Variants in GRIN3A observed in about 807,000 individuals in gnomAD.
GRIN3A encodes glutamate ionotropic receptor NMDA type subunit 3A.
In GRIN3A, 47 loss-of-function variants were observed where a neutral mutation model predicts 92.4. The observed-to-expected ratio is 0.51, with a 90% CI of 0.40 to 0.65. The LOEUF is 0.65. GRIN3A is among the 30% of genes least tolerant of loss of function. The probability of loss-of-function intolerance (pLI) is 0.00; values close to 1 mark genes in which losing one functional copy is unlikely to be tolerated. For synonymous variants in GRIN3A, 527 were observed against 540.6 expected, an observed-to-expected ratio of 0.97 and a Z score of 0.35; for missense variants, 1,324 against 1,393.1, an observed-to-expected ratio of 0.95 and a Z score of 0.79.
chr9:101,732,982 C>T (rs974458727), intron 1 of GRIN3A, among the ~76,000 whole-genome samples: 5 of 152,086 alleles, frequency 3.3e-5, no homozygotes, highest in Admixed American at 6.5e-5. Context: ...ATTTCATATG[C>T]GTTTCATTAC....
chr9:101,623,970 G>T (rs554609633), intron 4 of GRIN3A, among the ~76,000 whole-genome samples: 51 of 152,328 alleles, frequency 3.3e-4, no homozygotes, highest in African/African-American at 1.1e-3. Context: ...AAGAGGGCAA[G>T]GAAGGAGAAG....
intron 8 of GRIN3A, among the ~76,000 whole-genome samples, chr9:101,574,410 G>A (rs1158113036): frequency 6.6e-6 from 1 of 152,178 alleles, no homozygotes; most frequent in African/African-American, 2.4e-5. Flanking sequence ...AGCAGGAGGA[G>A]GAGTAGGAGG....
intron 4 of GRIN3A, among the ~76,000 whole-genome samples, chr9:101,626,404 G>T (rs969201768): frequency 2.0e-5 from 3 of 152,158 alleles, no homozygotes; most frequent in East Asian, 1.9e-4. Flanking sequence ...CCTTGCACAG[G>T]CAATGCTAGG....
At chr9:101,593,952 T>C (rs995164524) in intron 6 of GRIN3A, 3 of 155,910 alleles carry the variant, frequency 1.9e-5, no homozygotes, top group African/African-American at 7.2e-5. Flanking sequence ...TATTTGTCCC[T>C]GTTGCTACAA....
intron 1 of GRIN3A, among the ~76,000 whole-genome samples, chr9:101,732,180 A>G (rs919597712): frequency 2.0e-5 from 3 of 152,214 alleles, no homozygotes; most frequent in South Asian, 4.1e-4. Flanking sequence ...TTATATATCC[A>G]TGATGAGATA....
chr9:101,685,709 AAT>A (rs1277544095), intron 2 of GRIN3A, among the ~76,000 whole-genome samples: 1 of 151,312 alleles, frequency 6.6e-6, no homozygotes, highest in East Asian at 1.9e-4. Flanking sequence ...AAAATAAACA[AAT>A]ATAATTATGA....
rs1354041098 is a variant in GRIN3A, at chr9:101,571,202, G to C, written c.*1972C>G. The stretch of plus-strand genomic sequence containing the variant: ...TCACCTGTTTCCTCATTATTGAACT[G>C]TTTCATCTGTGGAGTTGGTGACCTC... On this transcript the variant is annotated 3_prime_UTR_variant, in exon 9 of 9. Transcript: ENST00000361820. The C allele has an allele frequency of 6.6e-6, 1 of 152,140 alleles. No individual in the cohort carries two copies. The highest frequency in any genetic ancestry group is 1.5e-5 in the Non-Finnish European group (1 of 68,050). 9.4% of individuals were successfully genotyped at this position (152,140 alleles called of 1,614,324 possible).
chr9:101,659,320 A>G (rs893417684), intron 3 of GRIN3A, among the ~76,000 whole-genome samples: 16 of 151,666 alleles, frequency 1.1e-4, no homozygotes, highest in African/African-American at 3.9e-4. Context: ...ATAAATATTT[A>G]TAGATATCTT....
At chr9:101,657,381 A>C (rs905537830) in intron 3 of GRIN3A, among the ~76,000 whole-genome samples, 2 of 151,994 alleles carry the variant, frequency 1.3e-5, no homozygotes, top group Non-Finnish European at 2.9e-5. Context: ...CCATATTCCG[A>C]TGAAGAAATG....
At chr9:101,602,167 C>T (rs529255372) in intron 6 of GRIN3A, among the ~76,000 whole-genome samples, 43 of 152,186 alleles carry the variant, frequency 2.8e-4, no homozygotes, top group Non-Finnish European at 6.0e-4. Context: ...TCTCATCCAA[C>T]ACGTCCTGAA....
intron 3 of GRIN3A, among the ~76,000 whole-genome samples, chr9:101,635,065 G>T (rs1273145110): frequency 6.6e-6 from 1 of 152,178 alleles, no homozygotes; most frequent in Non-Finnish European, 1.5e-5. Flanking sequence ...TTCCACAGAA[G>T]CTGCTTCCTC....
chr9:101,609,630 T>C (rs1441412732), intron 6 of GRIN3A, among the ~76,000 whole-genome samples: 1 of 152,218 alleles, frequency 6.6e-6, no homozygotes, highest in Non-Finnish European at 1.5e-5. Flanking sequence ...CGCTTCTGTG[T>C]GTCCAGGTAG....
At chr9:101,714,339 G>T (rs578256508) in intron 1 of GRIN3A, among the ~76,000 whole-genome samples, 1 of 152,236 alleles carries the variant, frequency 6.6e-6, no homozygotes, top group Admixed American at 6.5e-5. Flanking sequence ...TCCAATAATA[G>T]ATTTCAAATT....
At chr9:101,713,378 A>G (rs923914585) in intron 1 of GRIN3A, among the ~76,000 whole-genome samples, 15 of 152,200 alleles carry the variant, frequency 9.9e-5, no homozygotes, top group Non-Finnish European at 1.8e-4. Flanking sequence ...CCCAACAAAA[A>G]GGGCATATCA....
At chr9:101,611,572 A>G (rs1828368784) in intron 6 of GRIN3A, among the ~76,000 whole-genome samples, 3 of 152,112 alleles carry the variant, frequency 2.0e-5, no homozygotes, top group South Asian at 2.1e-4. Context: ...CTGCTCCCCA[A>G]TGTTTTCTCA....
intron 6 of GRIN3A, among the ~76,000 whole-genome samples, chr9:101,595,700 A>G (rs1429266839): frequency 1.3e-5 from 2 of 152,172 alleles, no homozygotes; most frequent in African/African-American, 4.8e-5. Flanking sequence ...AATATAAACA[A>G]TGCTGAATTC....
intron 3 of GRIN3A, among the ~76,000 whole-genome samples, chr9:101,648,816 G>A (rs1448061735): frequency 6.6e-6 from 1 of 151,958 alleles, no homozygotes; most frequent in Admixed American, 6.6e-5. Flanking sequence ...GTACATTTGA[G>A]GAGACAGCCA....
At chr9:101,590,212 C>T (rs72745334) in intron 6 of GRIN3A, among the ~76,000 whole-genome samples, 18,905 of 151,962 alleles carry the variant, frequency 0.12, 1,335 homozygotes, top group East Asian at 0.17. Flanking sequence ...TATGAATCAG[C>T]TAATTCCTGA....
intron 8 of GRIN3A, among the ~76,000 whole-genome samples, chr9:101,575,630 A>G (rs1008321267): frequency 3.3e-5 from 5 of 152,244 alleles, no homozygotes; most frequent in Admixed American, 3.3e-4. Context: ...ATCATGGCCC[A>G]AAATTTCTCC....
Sources: allele counts gnomAD v4.1 joint callset (sites outside exome capture counted in the v4.1 genomes callset), GRCh38; gene constraint gnomAD v4.1.1; transcripts MANE v1.5; gene names NCBI Gene and HGNC (gene_info 2026-07-23, HGNC 2026-07-21).